ETV4: variants seen among roughly 807,000 people sequenced by gnomAD.
The protein encoded by ETV4 is ETS variant transcription factor 4.
A neutral mutation model predicts 65.9 loss-of-function variants in ETV4; 42 were observed. The observed-to-expected ratio is 0.64, with a 90% CI of 0.50 to 0.82. ETV4 has a LOEUF of 0.82. Among genes scored for constraint, ETV4 ranks in the 40% least tolerant of loss-of-function variants. The probability of loss-of-function intolerance (pLI) is 0.00; values close to 1 mark genes in which losing one functional copy is unlikely to be tolerated. For missense variants in ETV4, 583 were observed against 630.3 expected, an observed-to-expected ratio of 0.92 and a Z score of 0.80; for synonymous variants, 238 against 260.0, an observed-to-expected ratio of 0.92 and a Z score of 0.81.
intron 5 of ETV4, among the ~76,000 whole-genome samples, chr17:43,534,340 A>G (rs1971119191): frequency 6.6e-6 from 1 of 151,786 alleles, no homozygotes; most frequent in Admixed American, 6.6e-5. Flanking sequence ...AAATACAAAA[A>G]AAAATTAGCC....
intron 8 of ETV4, among the ~76,000 whole-genome samples, chr17:43,530,774 G>T (rs982866795): frequency 6.6e-6 from 1 of 152,004 alleles, no homozygotes; most frequent in Non-Finnish European, 1.5e-5. Flanking sequence ...ACTCCACATC[G>T]GGAAGGCGGC....
At chr17:43,528,866 C>T (rs1598189941) in intron 12 of ETV4, 123 bp from the exon 13 acceptor site, 4 of 771,564 alleles carry the variant, frequency 5.2e-6, no homozygotes, top group Non-Finnish European at 8.5e-6. Context: ...GCATTTCTCT[C>T]CCATGCTGGT....
chr17:43,534,466 C>T (rs1971130540), intron 5 of ETV4, among the ~76,000 whole-genome samples: 1 of 152,114 alleles, frequency 6.6e-6, no homozygotes, highest in African/African-American at 2.4e-5. Flanking sequence ...TGCACTCCAG[C>T]CTGGGTGACA....
intron 4 of ETV4, 68 bp downstream of exon 4, chr17:43,544,902 GTGGAA>G: frequency 1.4e-6 from 2 of 1,406,352 alleles, no homozygotes; most frequent in Non-Finnish European, 2.0e-6. Flanking sequence ...AGGGCTTAGG[GTGGAA>G]TACCAGGGGC....
chr17:43,544,794 A>G, intron 4 of ETV4, 181 bp downstream of exon 4: 2 of 596,356 alleles, frequency 3.4e-6, no homozygotes, highest in Non-Finnish European at 3.1e-6. Flanking sequence ...TATCAATATA[A>G]GTGTCCACGC....
chr17:43,544,217 A>C (rs1377091402), intron 4 of ETV4: 2 of 152,674 alleles, frequency 1.3e-5, no homozygotes, highest in Non-Finnish European at 2.9e-5. Context: ...TCCAACCAGG[A>C]AACCTCCTGA....
intron 11 of ETV4, 69 bp downstream of exon 11, chr17:43,529,435 T>A: frequency 6.5e-7 from 1 of 1,543,012 alleles, no homozygotes; most frequent in Non-Finnish European, 8.8e-7. Flanking sequence ...GTGCCACCAT[T>A]TCCCAGGTTC....
In ETV4 at chr17:43,528,703, G is replaced by A. The variant is rs1323536883; in HGVS notation, c.1271C>T (p.Pro424Leu). 1 of 1,614,024 alleles carries A rather than the reference G, an allele frequency of 6.2e-7. No homozygotes were observed. Among genetic ancestry groups the A allele is most frequent in the African/African-American group, 1.3e-5 (1 of 74,916 alleles). Residue 424 changes from proline (P) to leucine (L), a missense_variant, in exon 13 of 13, where the codon CCC becomes CTC. Transcript: ENST00000319349. ...GAAGGCCAAAGAGAAGAGGGCCTCG[G>A]GCTCACACACAAACTTGTACACGTA... is the stretch of plus-strand genomic sequence containing the variant. ...ERYVYKFVCE[P>L]EALFSLAFPD... is the part of the protein sequence containing the mutation.
Position 43,528,403 on chromosome 17 carries a change from G to A in ETV4, c.*116C>T, listed in dbSNP as rs1970690536. On this transcript the variant is annotated 3_prime_UTR_variant, in exon 13 of 13. Coordinates refer to ENST00000319349, the MANE Select transcript of ETV4 (RefSeq NM_001079675.5). Reference sequence around the variant, plus strand: ...GGGCTAGGGCAACTGGTAGGACAGTGGGGATCTGCCCCAGAGACATCTGTG... The same window carrying A: ...GGGCTAGGGCAACTGGTAGGACAGTAGGGATCTGCCCCAGAGACATCTGTG... 7 of 703,822 alleles carry A rather than the reference G, an allele frequency of 9.9e-6. No homozygotes were observed. Among genetic ancestry groups the A allele is most frequent in the Middle Eastern group, 4.1e-4 (1 of 2,458 alleles). 43.6% of individuals were successfully genotyped at this position (703,822 alleles called of 1,614,324 possible).
chr17:43,542,579 G>T (rs1382866741), intron 4 of ETV4, among the ~76,000 whole-genome samples: 2 of 152,016 alleles, frequency 1.3e-5, no homozygotes, highest in African/African-American at 4.8e-5. Context: ...CCCCAAATCA[G>T]ACACGCCCTC....
rs142011970 is a variant in ETV4, at chr17:43,543,197, C to T, written c.202+1778G>A. ...TCCCAGCGCCCACCCCCCTCACCTCCGCCTTGCAATCCCCACCCCACCTCC... is the reference window on the plus strand; with the variant it reads ...TCCCAGCGCCCACCCCCCTCACCTCTGCCTTGCAATCCCCACCCCACCTCC... On this transcript the variant is annotated intron_variant, in intron 4 of 12. Transcript: ENST00000319349. 2.0e-3 allele frequency among the ~76,000 whole-genome samples: 301 copies of T among 151,714 alleles called. 9 individuals carry two copies. The East Asian group carries it at 0.047, about 24-fold the overall frequency.
chr17:43,533,736 G>T, intron 6 of ETV4, 123 bp downstream of exon 6: 1 of 1,278,902 alleles, frequency 7.8e-7, no homozygotes, highest in Non-Finnish European at 1.1e-6. Context: ...CCTTACAAGT[G>T]CTAGAAAATC....
intron 4 of ETV4, 99 bp from the exon 5 acceptor site, chr17:43,536,578 G>A: frequency 2.0e-6 from 2 of 1,003,520 alleles, no homozygotes; most frequent in Non-Finnish European, 3.1e-6. Flanking sequence ...AGCCAAGAAA[G>A]GACCAACAGC....
In ETV4 at chr17:43,528,711, C is replaced by A. The variant is rs1451575604; in HGVS notation, c.1263G>T (p.Val421=). The change falls in exon 13 of 13, where the codon GTG becomes GTT. Residue 421 remains valine (V), a synonymous_variant. Coordinates refer to ENST00000319349, the MANE Select transcript of ETV4 (RefSeq NM_001079675.5). ...VAGERYVYKF[V]CEPEALFSLA... ...AAGAGAAGAGGGCCTCGGGCTCACA[C>A]ACAAACTTGTACACGTAACGCTCAC... The A allele has an allele frequency of 6.2e-7, 1 of 1,614,156 alleles. No homozygotes were observed. Among genetic ancestry groups the A allele is most frequent in the Non-Finnish European group, 8.5e-7 (1 of 1,180,020 alleles).
rs1324499993 is a variant in ETV4 at position 43,536,508 on chromosome 17, G to C, written c.203-29C>G. 3 of 1,612,304 alleles carry C rather than the reference G, an allele frequency of 1.9e-6. No homozygotes were observed. The Admixed American group carries it at 5.0e-5, about 27-fold the overall frequency. On this transcript the variant is annotated intron_variant, in intron 4 of 12. Transcript: ENST00000319349. ...CAGAGAGAAGTCAGAGGTGAGTTTGGGGCGGAGCCCTGGTTGTCCCCTGGG... is the reference window on the plus strand; with the variant it reads ...CAGAGAGAAGTCAGAGGTGAGTTTGCGGCGGAGCCCTGGTTGTCCCCTGGG...
At position 43,532,928 on chromosome 17, in the gene ETV4, T is replaced by C. The variant is rs144646122; in HGVS notation, c.557A>G (p.Gln186Arg). ...GYLGEHSSVF[Q>R]QPLDICHSFT... ...GGAGTGGCAAATGTCCAGGGGCTGC[T>C]GGAAGACGGAGCTGGATGTGGTTGG... is the stretch of plus-strand genomic sequence containing the variant. The change falls in exon 8 of 13, where the codon CAG becomes CGG. Residue 186 changes from glutamine (Q) to arginine (R), a missense_variant. Physicochemically the swap from Gln to Arg is conservative, Grantham distance 43. Coordinates refer to ENST00000319349, the MANE Select transcript of ETV4 (RefSeq NM_001079675.5). The C allele has an allele frequency of 2.6e-5, 41 of 1,570,756 alleles. No homozygotes were observed. The African/African-American group carries it at 5.0e-4, about 19-fold the overall frequency.
At chr17:43,530,441 T>C in intron 8 of ETV4, 1 of 1,378,822 alleles carries the variant, frequency 7.3e-7, no homozygotes, top group Non-Finnish European at 9.4e-7. Context: ...CAAGCTGTTC[T>C]GAAGGGCCCA....
intron 8 of ETV4, 185 bp from the exon 9 acceptor site, chr17:43,530,366 G>C: frequency 6.9e-7 from 1 of 1,453,610 alleles, no homozygotes; most frequent in Non-Finnish European, 9.1e-7. Context: ...GGAGTGTGAT[G>C]CTGGAACCCC....
rs1253096815 is a variant in ETV4 at position 43,528,626 on chromosome 17, C to T, written c.1348G>A (p.Glu450Lys). The change falls in exon 13 of 13, where the codon GAG (glutamate) becomes AAG (lysine). Residue 450 changes from glutamate (E) to lysine (K), a missense_variant. Glu to Lys is a moderately conservative substitution (Grantham distance 56). Transcript: ENST00000319349. ...TGGGACAAAGGGACTGTGTCCTCCT[C>T]ACTGACAGGCCGGTCAAACTCAGCC... Reference protein sequence around the residue: ...LKAEFDRPVSEEDTVPLSHLD... With the variant: ...LKAEFDRPVSKEDTVPLSHLD... The T allele has an allele frequency of 6.2e-7, 1 of 1,614,178 alleles. No individual in the cohort carries two copies. The highest frequency in any genetic ancestry group is 8.5e-7 in the Non-Finnish European group (1 of 1,180,032).
Sources: allele counts gnomAD v4.1 joint callset (sites outside exome capture counted in the v4.1 genomes callset), GRCh38; gene constraint gnomAD v4.1.1; transcripts MANE v1.5; gene names NCBI Gene and HGNC (gene_info 2026-07-23, HGNC 2026-07-21).